RSRC1: variants seen among roughly 807,000 people sequenced by gnomAD.
The protein encoded by RSRC1 is arginine and serine rich coiled-coil 1.
In RSRC1, 39 loss-of-function variants were observed where a neutral mutation model predicts 49.1. The observed-to-expected ratio is 0.79, with a 90% confidence interval of 0.61 to 1.04. RSRC1 has a LOEUF of 1.04. RSRC1 is among the 50% of genes least tolerant of loss of function. The pLI is 0.00. For missense variants in RSRC1, 388 were observed against 402.4 expected, an observed-to-expected ratio of 0.96 and a Z score of 0.31; for synonymous variants, 143 against 130.8, an observed-to-expected ratio of 1.09 and a Z score of -0.63.
chr3:158,159,154 A>G (rs1718059606), intron 3 of RSRC1, among the ~76,000 whole-genome samples: 1 of 152,100 alleles, frequency 6.6e-6, no homozygotes, highest in African/African-American at 2.4e-5. Context: ...GCTAGTGTTC[A>G]GAGACTGACT....
intron 4 of RSRC1, among the ~76,000 whole-genome samples, chr3:158,214,993 G>A (rs946063366): frequency 5.3e-5 from 8 of 151,422 alleles, no homozygotes; most frequent in African/African-American, 9.7e-5. Flanking sequence ...AAAGAGAAGT[G>A]TTGAAGTCTC....
intron 7 of RSRC1, among the ~76,000 whole-genome samples, chr3:158,499,341 C>A (rs1442254951): frequency 1.3e-5 from 2 of 152,012 alleles, no homozygotes; most frequent in East Asian, 3.9e-4. Flanking sequence ...TGTGCCACTG[C>A]ACTCCAGCCT....
intron 7 of RSRC1, among the ~76,000 whole-genome samples, chr3:158,473,393 C>T (rs1047581169): frequency 6.6e-6 from 1 of 152,100 alleles, no homozygotes; most frequent in African/African-American, 2.4e-5. Flanking sequence ...AACCATCATT[C>T]TCAGCAAACT....
intron 4 of RSRC1, 22 bp downstream of exon 4, chr3:158,203,267 C>T (rs1721176381): frequency 6.4e-7 from 1 of 1,553,486 alleles, no homozygotes; most frequent in South Asian, 1.2e-5. Context: ...CAAATCTTAT[C>T]TGGTAAGGAC....
At chr3:158,319,704 T>C (rs1271071225) in intron 5 of RSRC1, among the ~76,000 whole-genome samples, 2 of 152,370 alleles carry the variant, frequency 1.3e-5, no homozygotes, top group East Asian at 3.9e-4. Context: ...TATCAACAGT[T>C]CTAAATTTTG....
At chr3:158,500,697 G>A (rs1047355551) in intron 7 of RSRC1, among the ~76,000 whole-genome samples, 1 of 151,958 alleles carries the variant, frequency 6.6e-6, no homozygotes, top group African/African-American at 2.4e-5. Flanking sequence ...TCATTCACTG[G>A]TGTGAGTTTA....
intron 4 of RSRC1, among the ~76,000 whole-genome samples, chr3:158,205,623 G>A (rs1721303074): frequency 1.3e-5 from 2 of 152,092 alleles, no homozygotes; most frequent in African/African-American, 4.8e-5. Context: ...AAAAAGAGCT[G>A]TGGAAACACT....
At chr3:158,509,497 A>G (rs1740038280) in intron 7 of RSRC1, among the ~76,000 whole-genome samples, 1 of 152,204 alleles carries the variant, frequency 6.6e-6, no homozygotes, top group Non-Finnish European at 1.5e-5. Flanking sequence ...CCAATAATAT[A>G]ACATTTACTT....
chr3:158,432,879 A>G lies in RSRC1; in HGVS notation c.584-28056A>G, dbSNP rs149829780. On this transcript the variant is annotated intron_variant, in intron 6 of 9. Coordinates refer to ENST00000611884, the MANE Select transcript of RSRC1 (RefSeq NM_001271838.2). Reference sequence around the variant, plus strand: ...AGAAATACTATATATATATACACACACAGAGTGAGTCTATGTATATATACT... The same window carrying G: ...AGAAATACTATATATATATACACACGCAGAGTGAGTCTATGTATATATACT... 1.1e-3 allele frequency among the ~76,000 whole-genome samples: 170 copies of G among 151,964 alleles called. 1 individual carries two copies. The highest frequency in any genetic ancestry group is 4.0e-3 in the African/African-American group (165 of 41,478).
chr3:158,252,821 A>G (rs936669754), intron 4 of RSRC1, among the ~76,000 whole-genome samples: 9 of 152,076 alleles, frequency 5.9e-5, no homozygotes, highest in African/African-American at 1.9e-4. Context: ...AGTAGACTGT[A>G]TGTGTCTAGG....
At chr3:158,544,049 G>T (rs1713189310) in intron 9 of RSRC1, 134 bp from the exon 10 acceptor site, 1 of 602,698 alleles carries the variant, frequency 1.7e-6, no homozygotes, top group Non-Finnish European at 2.9e-6. Flanking sequence ...TCAATTAAGA[G>T]GTCATCAAGA....
At chr3:158,319,107 A>G (rs1728619050) in intron 5 of RSRC1, among the ~76,000 whole-genome samples, 1 of 152,118 alleles carries the variant, frequency 6.6e-6, no homozygotes, top group Non-Finnish European at 1.5e-5. Flanking sequence ...TTCCAACACT[A>G]GATGTCTGAT....
chr3:158,288,700 A>T (rs1443085112), intron 4 of RSRC1, among the ~76,000 whole-genome samples: 1 of 152,132 alleles, frequency 6.6e-6, no homozygotes, highest in Non-Finnish European at 1.5e-5. Context: ...TCTATAATTT[A>T]TGTATTATAT....
chr3:158,283,360 C>T (rs540574821), intron 4 of RSRC1, among the ~76,000 whole-genome samples: 7 of 151,530 alleles, frequency 4.6e-5, no homozygotes, highest in African/African-American at 1.7e-4. Flanking sequence ...AACATATAAA[C>T]AATTAGAATG....
At chr3:158,499,466 T>G (rs1739496658) in intron 7 of RSRC1, among the ~76,000 whole-genome samples, 1 of 152,048 alleles carries the variant, frequency 6.6e-6, no homozygotes, top group Admixed American at 6.5e-5. Context: ...GTAGATTGCT[T>G]TTGGCAGTAT....
At chr3:158,196,579 A>T (rs1309039773) in intron 3 of RSRC1, among the ~76,000 whole-genome samples, 1 of 152,112 alleles carries the variant, frequency 6.6e-6, no homozygotes, top group South Asian at 2.1e-4. Context: ...GTCTTGTGCC[A>T]GTTTTCAAAG....
At chr3:158,433,904 T>G (rs1735906556) in intron 6 of RSRC1, among the ~76,000 whole-genome samples, 1 of 151,996 alleles carries the variant, frequency 6.6e-6, no homozygotes, top group Admixed American at 6.6e-5. Flanking sequence ...TAAAGCAGAA[T>G]ATATATTTAA....
chr3:158,515,807 C>A (rs1578566972), intron 7 of RSRC1, among the ~76,000 whole-genome samples: 1 of 152,032 alleles, frequency 6.6e-6, no homozygotes, highest in Admixed American at 6.5e-5. Flanking sequence ...TCTTTTTATT[C>A]TTTTTTCTGT....
chr3:158,229,426 ATG>A (rs200464513), intron 4 of RSRC1, among the ~76,000 whole-genome samples: 6 of 149,992 alleles, frequency 4.0e-5, no homozygotes, highest in East Asian at 2.0e-4. Context: ...GTATGTATGT[ATG>A]TATATACACA....
Sources: gnomAD v4.1 joint callset for allele counts (sites outside exome capture counted in the v4.1 genomes callset) on GRCh38, gnomAD v4.1.1 for gene constraint, MANE v1.5 for transcripts, NCBI Gene and HGNC (gene_info 2026-07-23, HGNC 2026-07-21) for gene names.